The following C13orf46 variants were observed in gnomAD, a reference collection of about 807,000 sequenced individuals.
The protein encoded by C13orf46 is chromosome 13 open reading frame 46.
chr13:113,951,009 G>T (rs909478768), downstream of C13orf46, among the ~76,000 whole-genome samples: 439 of 152,306 alleles, frequency 2.9e-3, 5 homozygotes, highest in Middle Eastern at 3.4e-3. Context: ...GGGTCACGTG[G>T]GAAGGACACA....
chr13:113,927,579 G>A, the C13orf46 span: 6 of 398,386 alleles, frequency 1.5e-5, no homozygotes, highest in Admixed American at 4.4e-5. Context: ...TGGAGCGACC[G>A]TCTACACAGG....
chr13:113,940,288 G>A, the C13orf46 span, among the ~76,000 whole-genome samples: 18,684 of 152,280 alleles, frequency 0.12, 2,709 homozygotes, highest in African/African-American at 0.35. Flanking sequence ...CGGTGCTGCC[G>A]CCAAGCCCCC....
the C13orf46 span, among the ~76,000 whole-genome samples, chr13:113,945,747 A>G: frequency 1.0e-3 from 156 of 152,332 alleles, 2 homozygotes; most frequent in Middle Eastern, 3.4e-3. Context: ...CTAGTAAACG[A>G]AAATGTAGCT....
At chr13:113,929,016 G>A in the C13orf46 span, among the ~76,000 whole-genome samples, 1 of 152,276 alleles carries the variant, frequency 6.6e-6, no homozygotes, top group African/African-American at 2.4e-5. Context: ...ATGGGCTCCA[G>A]TAGCCGGATG....
the C13orf46 span, among the ~76,000 whole-genome samples, chr13:113,934,536 T>G: frequency 3.3e-5 from 5 of 152,214 alleles, no homozygotes; most frequent in African/African-American, 9.6e-5. Context: ...ACATGGTAAA[T>G]TACTTTCCAA....
chr13:113,947,942 G>A, the C13orf46 span, among the ~76,000 whole-genome samples: 1 of 152,188 alleles, frequency 6.6e-6, no homozygotes, highest in Non-Finnish European at 1.5e-5. Context: ...CTGGCCTGCC[G>A]AGCACTGACT....
chr13:113,934,617 T>C, the C13orf46 span, among the ~76,000 whole-genome samples: 1 of 152,254 alleles, frequency 6.6e-6, no homozygotes, highest in African/African-American at 2.4e-5. Flanking sequence ...CTACGGTGAA[T>C]CGAACTGCCC....
chr13:113,940,483 G>A, the C13orf46 span, among the ~76,000 whole-genome samples: 1,479 of 138,894 alleles, frequency 0.011, 13 homozygotes, highest in Middle Eastern at 0.02. Flanking sequence ...TGTGAGGCTG[G>A]GCATTCGAGA....
chr13:113,931,686 T>C, the C13orf46 span, among the ~76,000 whole-genome samples: 1 of 152,182 alleles, frequency 6.6e-6, no homozygotes, highest in South Asian at 2.1e-4. Flanking sequence ...GTGAGAAAAT[T>C]ACGAGATAAC....
At chr13:113,949,762 G>A (rs2052481807), downstream of C13orf46, among the ~76,000 whole-genome samples, 1 of 151,936 alleles carries the variant, frequency 6.6e-6, no homozygotes, top group African/African-American at 2.4e-5. Context: ...CATCTGTGGA[G>A]TGGGGTCATC....
chr13:113,940,059 A>AG, the C13orf46 span, among the ~76,000 whole-genome samples: 3 of 152,170 alleles, frequency 2.0e-5, no homozygotes, highest in African/African-American at 7.2e-5. Context: ...GGGCCACCTC[A>AG]GAGGCCCCAA....
chr13:113,939,771 C>A, the C13orf46 span, among the ~76,000 whole-genome samples: 2 of 152,232 alleles, frequency 1.3e-5, no homozygotes, highest in Non-Finnish European at 2.9e-5. Context: ...GCACTGACCT[C>A]TCTGGGCCCA....
At chr13:113,941,816 G>A in the C13orf46 span, among the ~76,000 whole-genome samples, 1 of 152,188 alleles carries the variant, frequency 6.6e-6, no homozygotes, top group South Asian at 2.1e-4. Context: ...CGCCCTGGAC[G>A]AGGTCTGCCC....
chr13:113,927,840 T>C, the C13orf46 span: 114 of 382,204 alleles, frequency 3.0e-4, 1 homozygote, highest in Non-Finnish European at 4.0e-4. Flanking sequence ...GTGCTTTCCA[T>C]GTCCAACTTT....
intron 1 of C13orf46, among the ~76,000 whole-genome samples, chr13:113,970,870 G>A (rs948142941): frequency 2.0e-5 from 3 of 152,304 alleles, no homozygotes; most frequent in East Asian, 1.9e-4. Context: ...TGGTGCTCCC[G>A]GCAGGAACCC....
intron 2 of C13orf46, among the ~76,000 whole-genome samples, chr13:113,969,338 G>A (rs1011075962): frequency 6.6e-6 from 1 of 152,252 alleles, no homozygotes; most frequent in Non-Finnish European, 1.5e-5. Context: ...GTGAGCAGAC[G>A]CTTTCAGCTT....
At chr13:113,958,000 C>T (rs1454280478) in intron 6 of C13orf46, among the ~76,000 whole-genome samples, 1 of 141,484 alleles carries the variant, frequency 7.1e-6, no homozygotes, top group Admixed American at 7.3e-5. Context: ...CCCCTTTCAT[C>T]AAGCACACTG....
downstream of C13orf46, among the ~76,000 whole-genome samples, chr13:113,951,621 G>A (rs2052489025): frequency 6.6e-6 from 1 of 150,790 alleles, no homozygotes; most frequent in Non-Finnish European, 1.5e-5. Context: ...CCCATGCCCT[G>A]CTCCCCAAGC....
downstream of C13orf46, among the ~76,000 whole-genome samples, chr13:113,951,493 C>G (rs2052488477): frequency 6.6e-6 from 1 of 152,278 alleles, no homozygotes; most frequent in Admixed American, 6.5e-5. Flanking sequence ...ACCAACAGCA[C>G]TGCCCACTCG....
Sources: allele counts gnomAD v4.1 joint callset (sites outside exome capture counted in the v4.1 genomes callset), GRCh38; gene constraint gnomAD v4.1.1; transcripts MANE v1.5; gene names NCBI Gene and HGNC (gene_info 2026-07-23, HGNC 2026-07-21).